WWOX: variants seen among roughly 807,000 people sequenced by gnomAD.
The protein encoded by WWOX is WW domain-containing oxidoreductase.
In WWOX, 69 loss-of-function variants were observed where a neutral mutation model predicts 46.2. The ratio of observed to expected loss-of-function variants is 1.49; its 90% CI spans 1.23 to 1.82. WWOX has a LOEUF of 1.82. Ranked by LOEUF, WWOX falls within the 40% of genes most tolerant of loss-of-function variation. WWOX has a pLI of 0.00. For synonymous variants in WWOX, 359 were observed against 202.6 expected (o/e 1.77, Z -6.56); for missense variants, 919 against 542.6 (o/e 1.69, Z -6.89).
chr16:78,745,780 A>G (rs1396040093), intron 8 of WWOX, among the ~76,000 whole-genome samples: 2 of 146,904 alleles, frequency 1.4e-5, no homozygotes, highest in Non-Finnish European at 1.5e-5. Context: ...CCCCCTTCAA[A>G]TAGTTCCAAG....
At chr16:79,091,437 A>T (rs768548499) in intron 8 of WWOX, among the ~76,000 whole-genome samples, 16 of 152,116 alleles carry the variant, frequency 1.1e-4, no homozygotes, top group Non-Finnish European at 2.2e-4. Flanking sequence ...CAGCTTCCCC[A>T]CTGGGTGTTC....
chr16:78,819,368 G>A (rs1165498805), intron 8 of WWOX, among the ~76,000 whole-genome samples: 3 of 152,156 alleles, frequency 2.0e-5, no homozygotes, highest in Non-Finnish European at 4.4e-5. Flanking sequence ...TCCATGAGCT[G>A]TGTCCGCCAG....
At chr16:78,535,606 G>A (rs546596998) in intron 8 of WWOX, 2 of 152,182 alleles carry the variant, frequency 1.3e-5, no homozygotes, top group Non-Finnish European at 2.9e-5. Flanking sequence ...TTGAAAAGAA[G>A]GCCTCCCTTG....
chr16:78,492,471 T>C (rs564022247), intron 8 of WWOX, among the ~76,000 whole-genome samples: 74 of 152,218 alleles, frequency 4.9e-4, no homozygotes, highest in Non-Finnish European at 8.7e-4. Context: ...CAATCCACAT[T>C]GGACTGTTTG....
At chr16:78,745,749 C>T (rs1417264180) in intron 8 of WWOX, among the ~76,000 whole-genome samples, 1 of 151,524 alleles carries the variant, frequency 6.6e-6, no homozygotes, top group Non-Finnish European at 1.5e-5. Flanking sequence ...TCTCCTCCTC[C>T]CTCTTCCTCC....
intron 8 of WWOX, among the ~76,000 whole-genome samples, chr16:78,948,965 G>T (rs182512083): frequency 6.6e-6 from 1 of 152,130 alleles, no homozygotes; most frequent in African/African-American, 2.4e-5. Context: ...AGGATTTCAC[G>T]TACTGCCACT....
chr16:78,531,507 T>C (rs1227675570), intron 8 of WWOX, among the ~76,000 whole-genome samples: 1 of 152,166 alleles, frequency 6.6e-6, no homozygotes, highest in Non-Finnish European at 1.5e-5. Context: ...CCAGTTCTTT[T>C]AGTTTCTCTT....
In WWOX at chr16:78,164,305, T is replaced by C; in HGVS notation, c.516+16T>C. 1.2e-6 allele frequency: 2 copies of C among 1,610,190 alleles called. No individual in the cohort carries two copies. The highest frequency in any genetic ancestry group is 1.7e-6 in the Non-Finnish European group (2 of 1,177,352). ...AGAAGAATGGGTAAGTGCTTGACTG[T>C]TGTTGTTTTTTTTAATTGTCAAATA... On this transcript the variant is annotated intron_variant, in intron 5 of 8. Transcript: ENST00000566780.
intron 8 of WWOX, among the ~76,000 whole-genome samples, chr16:79,195,135 G>A (rs867864632): frequency 2.0e-5 from 3 of 152,110 alleles, no homozygotes; most frequent in Non-Finnish European, 4.4e-5. Context: ...GCTCAGACTG[G>A]TTATGTATAT....
At chr16:78,658,839 C>A (rs748468713) in intron 8 of WWOX, among the ~76,000 whole-genome samples, 1 of 151,744 alleles carries the variant, frequency 6.6e-6, no homozygotes, top group South Asian at 2.1e-4. Flanking sequence ...TGCCTGTAAT[C>A]CCAGAATTTT....
intron 5 of WWOX, among the ~76,000 whole-genome samples, chr16:78,266,427 C>T (rs1237818396): frequency 2.6e-5 from 4 of 152,128 alleles, no homozygotes; most frequent in African/African-American, 9.7e-5. Context: ...GCCCATAAAG[C>T]CTAAAATACT....
intron 8 of WWOX, among the ~76,000 whole-genome samples, chr16:78,744,741 C>G (rs1196218542): frequency 6.6e-6 from 1 of 152,046 alleles, no homozygotes. Context: ...TATTACCAGC[C>G]TGCACTGCAT....
chr16:78,702,103 T>TATATATATAC (rs1416001772), intron 8 of WWOX, among the ~76,000 whole-genome samples: 1 of 61,600 alleles, frequency 1.6e-5, no homozygotes, highest in Non-Finnish European at 3.9e-5. Flanking sequence ...TATAAAGTTA[T>TATATATATAC]ATATATATAT....
chr16:78,944,673 A>G (rs1241198890), intron 8 of WWOX, among the ~76,000 whole-genome samples: 1 of 152,168 alleles, frequency 6.6e-6, no homozygotes, highest in Non-Finnish European at 1.5e-5. Context: ...AGATTCGAGC[A>G]TGTGGGGAAT....
intron 8 of WWOX, among the ~76,000 whole-genome samples, chr16:78,918,869 C>G (rs543808294): frequency 8.0e-4 from 122 of 152,270 alleles, no homozygotes; most frequent in Non-Finnish European, 1.1e-3. Context: ...CAAATATGAG[C>G]ACTTTCTCTT....
chr16:78,576,987 A>G (rs944297014), intron 8 of WWOX, among the ~76,000 whole-genome samples: 1 of 152,170 alleles, frequency 6.6e-6, no homozygotes, highest in African/African-American at 2.4e-5. Flanking sequence ...TTAGTTAGCT[A>G]TTGCTGCAGA....
At chr16:78,336,505 CA>C (rs386385163) in intron 5 of WWOX, among the ~76,000 whole-genome samples, 7,164 of 74,032 alleles carry the variant, frequency 0.097, 121 homozygotes, top group East Asian at 0.21. Flanking sequence ...GACTATGTCT[CA>C]AAAAAAAAAA....
At chr16:78,336,366 G>C (rs994694086) in intron 5 of WWOX, among the ~76,000 whole-genome samples, 2 of 150,394 alleles carry the variant, frequency 1.3e-5, no homozygotes, top group African/African-American at 4.9e-5. Flanking sequence ...AATTAGCCAG[G>C]TGTGGTGATG....
intron 8 of WWOX, among the ~76,000 whole-genome samples, chr16:78,809,185 T>G (rs1422195815): frequency 6.6e-6 from 1 of 152,004 alleles, no homozygotes; most frequent in African/African-American, 2.4e-5. Context: ...TGCAAATGTT[T>G]CTCCTGGATG....
Sources: gnomAD v4.1 joint callset for allele counts (sites outside exome capture counted in the v4.1 genomes callset) on GRCh38, gnomAD v4.1.1 for gene constraint, MANE v1.5 for transcripts, NCBI Gene and HGNC (gene_info 2026-07-23, HGNC 2026-07-21) for gene names.